The following C1QTNF3 variants were observed in gnomAD, a reference collection of about 807,000 sequenced individuals.
C1QTNF3 encodes the protein complement C1q tumor necrosis factor-related protein 3.
C1QTNF3 carries 26 observed loss-of-function variants against 32.6 expected under a neutral mutation model. The ratio of observed to expected loss-of-function variants is 0.80; its 90% CI spans 0.58 to 1.11. The LOEUF is 1.11. C1QTNF3 is among the 50% of genes least tolerant of loss of function. The pLI is 0.00. For synonymous variants in C1QTNF3, 155 were observed against 146.0 expected, an observed-to-expected ratio of 1.06 and a Z score of -0.44; for missense variants, 362 against 398.2, an observed-to-expected ratio of 0.91 and a Z score of 0.77.
the C1QTNF3 span, among the ~76,000 whole-genome samples, chr5:34,051,903 G>A: frequency 1.3e-5 from 2 of 152,336 alleles, no homozygotes; most frequent in South Asian, 2.1e-4. Flanking sequence ...TGTGTTCCAC[G>A]TAGTGGAGCT....
the C1QTNF3 span, among the ~76,000 whole-genome samples, chr5:34,105,110 TC>T: frequency 6.6e-6 from 1 of 152,238 alleles, no homozygotes; most frequent in African/African-American, 2.4e-5. Flanking sequence ...TAAGTTTTCC[TC>T]TCTGACCAAA....
At chr5:34,235,832 C>A in the C1QTNF3 span, among the ~76,000 whole-genome samples, 267 of 152,380 alleles carry the variant, frequency 1.8e-3, 2 homozygotes, top group African/African-American at 6.0e-3. Context: ...CTGGTGATTT[C>A]TATATTACTT....
At chr5:34,024,243 G>A (rs1175103988) in intron 4 of C1QTNF3, 28 of 434,546 alleles carry the variant, frequency 6.4e-5, no homozygotes, top group Non-Finnish European at 1.1e-4. Flanking sequence ...TTAAGGGAAG[G>A]AGCCTACCTC....
In C1QTNF3 at chr5:34,018,771, C is replaced by A. The variant is rs535520227; in HGVS notation, c.*1812G>T. ...GATCATTATGTGAAACAGTTCTACACCATATTACATCCCTGAAGCAAGCAG... is the reference window on the plus strand; with the variant it reads ...GATCATTATGTGAAACAGTTCTACAACATATTACATCCCTGAAGCAAGCAG... On this transcript the variant is annotated 3_prime_UTR_variant, in exon 6 of 6. Coordinates refer to ENST00000382065, the MANE Select transcript of C1QTNF3 (RefSeq NM_181435.6). Among the ~76,000 whole-genome samples, 4 of 152,184 alleles carry A rather than the reference C, an allele frequency of 2.6e-5. No homozygotes were observed. The highest frequency in any genetic ancestry group is 5.9e-5 in the Non-Finnish European group (4 of 68,038).
chr5:34,138,067 AAC>A, the C1QTNF3 span, among the ~76,000 whole-genome samples: 1 of 152,218 alleles, frequency 6.6e-6, no homozygotes, highest in African/African-American at 2.4e-5. Flanking sequence ...CAATCACGTG[AAC>A]ACACAGCAAG....
At chr5:34,102,231 C>G in the C1QTNF3 span, among the ~76,000 whole-genome samples, 2 of 152,108 alleles carry the variant, frequency 1.3e-5, no homozygotes, top group Non-Finnish European at 2.9e-5. Context: ...GGAAGCATGA[C>G]ATCTCATTTC....
chr5:34,155,147 T>G, the C1QTNF3 span, among the ~76,000 whole-genome samples: 1 of 152,122 alleles, frequency 6.6e-6, no homozygotes, highest in African/African-American at 2.4e-5. Context: ...ATCATCAAGA[T>G]TATGACTAAA....
chr5:34,196,458 T>A, the C1QTNF3 span, among the ~76,000 whole-genome samples: 1 of 152,174 alleles, frequency 6.6e-6, no homozygotes, highest in African/African-American at 2.4e-5. Flanking sequence ...CTGTTTAAGC[T>A]ACCTAATTTA....
the C1QTNF3 span, among the ~76,000 whole-genome samples, chr5:34,107,924 T>G: frequency 6.6e-6 from 1 of 152,062 alleles, no homozygotes. Context: ...CACAAGATAC[T>G]AGTAAAACTA....
At chr5:34,065,764 G>A in the C1QTNF3 span, among the ~76,000 whole-genome samples, 1 of 152,158 alleles carries the variant, frequency 6.6e-6, no homozygotes, top group Non-Finnish European at 1.5e-5. Context: ...TTCACACACT[G>A]TGGAAAGCAG....
the C1QTNF3 span, among the ~76,000 whole-genome samples, chr5:34,088,986 T>C: frequency 6.6e-6 from 1 of 151,998 alleles, no homozygotes. Context: ...TTTTATAGGT[T>C]TGATCTCCTG....
chr5:34,020,557 A>G lies in C1QTNF3; in HGVS notation c.*26T>C. 6.2e-7 allele frequency: 1 copy of G among 1,604,972 alleles called. No individual in the cohort carries two copies. Among genetic ancestry groups the G allele is most frequent in the Non-Finnish European group, 8.5e-7 (1 of 1,172,912 alleles). On this transcript the variant is annotated 3_prime_UTR_variant, in exon 6 of 6. Coordinates refer to ENST00000382065, the MANE Select transcript of C1QTNF3 (RefSeq NM_181435.6). ...ATCAGCTCAGCTACAAGTCTTCCCC[A>G]AAGTGGAGCTATTCTAGTCATATAT...
chr5:34,148,008 G>A, the C1QTNF3 span, among the ~76,000 whole-genome samples: 1 of 152,074 alleles, frequency 6.6e-6, no homozygotes, highest in Non-Finnish European at 1.5e-5. Context: ...CGCACCATGC[G>A]CGAGCCGAAG....
the C1QTNF3 span, among the ~76,000 whole-genome samples, chr5:34,081,248 A>C: frequency 6.6e-6 from 1 of 151,724 alleles, no homozygotes; most frequent in African/African-American, 2.4e-5. Context: ...ACTTCCAATA[A>C]TGAAATTATT....
At chr5:34,140,993 T>C in the C1QTNF3 span, among the ~76,000 whole-genome samples, 1 of 152,338 alleles carries the variant, frequency 6.6e-6, no homozygotes, top group Non-Finnish European at 1.5e-5. Context: ...TTATGTCACT[T>C]GTGTGCTGAC....
chr5:34,210,056 G>A, the C1QTNF3 span, among the ~76,000 whole-genome samples: 2 of 151,998 alleles, frequency 1.3e-5, no homozygotes, highest in African/African-American at 2.4e-5. Flanking sequence ...ACAGAGGAAT[G>A]AATTGATTTT....
the C1QTNF3 span, among the ~76,000 whole-genome samples, chr5:34,145,458 T>C: frequency 6.6e-6 from 1 of 151,942 alleles, no homozygotes; most frequent in Non-Finnish European, 1.5e-5. Flanking sequence ...AAATCCAGAA[T>C]AGACCAATAT....
At chr5:34,088,229 T>TTA in the C1QTNF3 span, among the ~76,000 whole-genome samples, 1 of 152,162 alleles carries the variant, frequency 6.6e-6, no homozygotes, top group East Asian at 1.9e-4. Context: ...ACCTACATAA[T>TTA]GTCCCAATTC....
At chr5:34,091,454 T>C in the C1QTNF3 span, among the ~76,000 whole-genome samples, 1 of 152,268 alleles carries the variant, frequency 6.6e-6, no homozygotes, top group East Asian at 1.9e-4. Context: ...CTTTCTCTTC[T>C]TTCATTTTGT....
Sources: allele counts gnomAD v4.1 joint callset (sites outside exome capture counted in the v4.1 genomes callset), GRCh38; gene constraint gnomAD v4.1.1; transcripts MANE v1.5; gene names NCBI Gene and HGNC (gene_info 2026-07-23, HGNC 2026-07-21).